PLAC8L1: variants seen among roughly 807,000 people sequenced by gnomAD.
The protein encoded by PLAC8L1 is PLAC8-like protein 1.
In PLAC8L1, 13 loss-of-function variants were observed where a neutral mutation model predicts 16.3. The ratio of observed to expected loss-of-function variants is 0.80; its 90% CI spans 0.52 to 1.27. PLAC8L1 has a LOEUF of 1.27. Among genes scored for constraint, PLAC8L1 ranks in the 50% most tolerant of loss-of-function variants. The pLI is 0.00. For synonymous variants in PLAC8L1, 78 were observed against 79.3 expected (o/e 0.98, Z 0.09); for missense variants, 184 against 220.2 (o/e 0.84, Z 1.04).
intron 2 of PLAC8L1, among the ~76,000 whole-genome samples, chr5:146,085,843 T>C (rs1763501586): frequency 6.6e-6 from 1 of 152,190 alleles, no homozygotes; most frequent in African/African-American, 2.4e-5. Context: ...CTGTTAGCAT[T>C]GACTATGGTA....
intron 1 of PLAC8L1, among the ~76,000 whole-genome samples, chr5:146,099,953 T>TG (rs1763787087): frequency 2.0e-5 from 3 of 152,186 alleles, no homozygotes; most frequent in Non-Finnish European, 4.4e-5. Context: ...TGATAGCACA[T>TG]TAGCTTGTTA....
At chr5:146,084,657 C>A in intron 3 of PLAC8L1, 85 bp from the exon 4 acceptor site, 3 of 1,517,218 alleles carry the variant, frequency 2.0e-6, no homozygotes, top group Non-Finnish European at 2.7e-6. Flanking sequence ...TACCTCCTGG[C>A]CCTTCAACCA....
In PLAC8L1 at chr5:146,102,025, T is replaced by C. The variant is rs78546429; in HGVS notation, c.119+2168A>G. 9.0e-4 allele frequency among the ~76,000 whole-genome samples: 137 copies of C among 151,846 alleles called. 2 individuals carry two copies. The East Asian group carries it at 0.026, about 29-fold the overall frequency. ...CCTTAATGGAAAAAGAAAATGTTTT[T>C]TTTCTGTGTTTACCCTTTTTTTTTT... On this transcript the variant is annotated intron_variant, in intron 1 of 3. Transcript: ENST00000311450.
intron 3 of PLAC8L1, 35 bp from the exon 4 acceptor site, chr5:146,084,607 A>G: frequency 6.2e-7 from 1 of 1,609,702 alleles, no homozygotes; most frequent in Non-Finnish European, 8.5e-7. Flanking sequence ...TGTTGTAGTC[A>G]CACAGGCTCA....
chr5:146,089,012 CTAAG>C (rs1031604028), intron 2 of PLAC8L1, among the ~76,000 whole-genome samples: 1 of 152,126 alleles, frequency 6.6e-6, no homozygotes, highest in African/African-American at 2.4e-5. Flanking sequence ...AGCTGGCAAA[CTAAG>C]TGACTAATAA....
intron 2 of PLAC8L1, among the ~76,000 whole-genome samples, 178 bp downstream of exon 2, chr5:146,097,978 T>A (rs951913072): frequency 1.3e-5 from 2 of 152,222 alleles, no homozygotes; most frequent in Admixed American, 1.3e-4. Context: ...AAAACATCCA[T>A]ATCTCTGAAA....
intron 2 of PLAC8L1, among the ~76,000 whole-genome samples, chr5:146,088,492 G>A (rs1475600513): frequency 6.6e-6 from 1 of 152,094 alleles, no homozygotes; most frequent in Non-Finnish European, 1.5e-5. Context: ...CAAATTCAGT[G>A]ACAAAGAGGC....
rs147329856 is a variant in PLAC8L1, at chr5:146,097,595, A to G, written c.256+561T>C. On this transcript the variant is annotated intron_variant, in intron 2 of 3. Transcript: ENST00000311450. ...TTTAATGTAAAAATGTATCCAAATC[A>G]TCTTTTCATCTCATTAAATATTATT... Among the ~76,000 whole-genome samples the G allele has an allele frequency of 7.8e-3, 1,191 of 152,346 alleles. 14 individuals carry two copies. The highest frequency in any genetic ancestry group is 0.027 in the African/African-American group (1,132 of 41,568).
At chr5:146,089,956 C>T (rs954184774) in intron 2 of PLAC8L1, among the ~76,000 whole-genome samples, 1 of 151,434 alleles carries the variant, frequency 6.6e-6, no homozygotes, top group Non-Finnish European at 1.5e-5. Context: ...CCAGGCTGGT[C>T]TCAAACTCCT....
At chr5:146,094,950 T>G (rs1763686146) in intron 2 of PLAC8L1, among the ~76,000 whole-genome samples, 1 of 152,312 alleles carries the variant, frequency 6.6e-6, no homozygotes, top group African/African-American at 2.4e-5. Flanking sequence ...TGTTCCCAAG[T>G]CTGTCAAAAC....
intron 2 of PLAC8L1, among the ~76,000 whole-genome samples, chr5:146,089,745 T>C (rs1221818878): frequency 6.6e-6 from 1 of 151,238 alleles, no homozygotes; most frequent in East Asian, 1.9e-4. Flanking sequence ...TTCTTCTTTT[T>C]TTTTTTTTTT....
chr5:146,090,785 G>C (rs1455877058), intron 2 of PLAC8L1, among the ~76,000 whole-genome samples: 1 of 152,124 alleles, frequency 6.6e-6, no homozygotes, highest in Admixed American at 6.5e-5. Flanking sequence ...GGGCGCAGTA[G>C]CTCACACCTG....
chr5:146,097,227 T>A (rs1763732511), intron 2 of PLAC8L1, among the ~76,000 whole-genome samples: 1 of 152,154 alleles, frequency 6.6e-6, no homozygotes, highest in Non-Finnish European at 1.5e-5. Flanking sequence ...AAAAATAGAA[T>A]CAATGAGCTT....
chr5:146,092,051 T>G (rs1437562250), intron 2 of PLAC8L1, among the ~76,000 whole-genome samples: 1 of 152,192 alleles, frequency 6.6e-6, no homozygotes, highest in Non-Finnish European at 1.5e-5. Context: ...ATGTGTGGAA[T>G]GTTGCTCATT....
chr5:146,089,181 C>G (rs546305207), intron 2 of PLAC8L1, among the ~76,000 whole-genome samples: 5 of 151,844 alleles, frequency 3.3e-5, no homozygotes, highest in African/African-American at 1.2e-4. Flanking sequence ...AAAAAACACA[C>G]GCTTTTGTTT....
intron 2 of PLAC8L1, among the ~76,000 whole-genome samples, chr5:146,086,744 G>A (rs1190108279): frequency 6.6e-6 from 1 of 152,166 alleles, no homozygotes; most frequent in Non-Finnish European, 1.5e-5. Flanking sequence ...CACAGGTTAA[G>A]AACCCCTGAT....
chr5:146,090,911 G>A (rs866857464), intron 2 of PLAC8L1, among the ~76,000 whole-genome samples: 10 of 152,062 alleles, frequency 6.6e-5, no homozygotes, highest in South Asian at 2.1e-4. Flanking sequence ...AAAATTAGCC[G>A]GGCGTGGTGG....
chr5:146,086,758 C>T (rs1243929091), intron 2 of PLAC8L1, among the ~76,000 whole-genome samples: 1 of 152,172 alleles, frequency 6.6e-6, no homozygotes, highest in Non-Finnish European at 1.5e-5. Context: ...CCCTGATATA[C>T]AGTTAAGATG....
At chr5:146,093,212 G>A (rs1763651541) in intron 2 of PLAC8L1, among the ~76,000 whole-genome samples, 1 of 151,876 alleles carries the variant, frequency 6.6e-6, no homozygotes, top group African/African-American at 2.4e-5. Flanking sequence ...TTCTATATCT[G>A]TATAAGTATA....
Sources: gnomAD v4.1 joint callset for allele counts (sites outside exome capture counted in the v4.1 genomes callset) on GRCh38, gnomAD v4.1.1 for gene constraint, MANE v1.5 for transcripts, NCBI Gene and HGNC (gene_info 2026-07-23, HGNC 2026-07-21) for gene names.